The following OGDH variants were observed in gnomAD, a reference collection of about 807,000 sequenced individuals.
OGDH encodes 2-oxoglutarate dehydrogenase complex component E1.
A neutral mutation model predicts 116.6 loss-of-function variants in OGDH; 38 were observed. That is an observed-to-expected ratio of 0.33 (90% CI 0.25 to 0.43). The LOEUF is 0.43. OGDH is among the 20% of genes least tolerant of loss of function. OGDH has a pLI of 1.00. For missense variants in OGDH, 825 were observed against 1,357.2 expected (o/e 0.61, Z 6.16); for synonymous variants, 488 against 533.3 (o/e 0.92, Z 1.17).
At position 44,610,764 on chromosome 7, in the gene OGDH, G is replaced by A. The variant is rs947760022; in HGVS notation, c.-28+4111G>A. ...TGGGACTACAGCCGCGTGCCACCACGCCCGGCTAATTCTTTTGTATTTTTA... is the reference window on the plus strand; with the variant it reads ...TGGGACTACAGCCGCGTGCCACCACACCCGGCTAATTCTTTTGTATTTTTA... On this transcript the variant is annotated intron_variant, in intron 1 of 22. Transcript: ENST00000222673. 2.6e-5 allele frequency among the ~76,000 whole-genome samples: 4 copies of A among 151,894 alleles called. No homozygotes were observed. In the East Asian group the frequency reaches 7.8e-4, roughly 29 times the overall value.
chr7:44,641,041 A>T (rs1390410128), intron 2 of OGDH, among the ~76,000 whole-genome samples: 5 of 149,232 alleles, frequency 3.4e-5, no homozygotes, highest in Non-Finnish European at 7.4e-5. Flanking sequence ...TTATAGGCAC[A>T]CACCACCACC....
intron 4 of OGDH, among the ~76,000 whole-genome samples, chr7:44,648,679 A>G (rs1227197853): frequency 6.6e-6 from 1 of 152,158 alleles, no homozygotes; most frequent in Non-Finnish European, 1.5e-5. Context: ...CAGTGCCTGG[A>G]TATCTTTATA....
intron 4 of OGDH, among the ~76,000 whole-genome samples, chr7:44,656,936 T>C (rs1178221988): frequency 6.6e-6 from 1 of 152,268 alleles, no homozygotes; most frequent in Non-Finnish European, 1.5e-5. Flanking sequence ...CATCAGCCTG[T>C]TGTCATCCAC....
At chr7:44,657,719 C>T (rs1171576683) in intron 4 of OGDH, among the ~76,000 whole-genome samples, 1 of 152,140 alleles carries the variant, frequency 6.6e-6, no homozygotes, top group African/African-American at 2.4e-5. Flanking sequence ...CCTAGATCCC[C>T]AAAATGTTCT....
At chr7:44,642,470 G>A (rs1469916832) in intron 2 of OGDH, among the ~76,000 whole-genome samples, 1 of 151,936 alleles carries the variant, frequency 6.6e-6, no homozygotes, top group Non-Finnish European at 1.5e-5. Flanking sequence ...CTTTTTTCAT[G>A]TTCCTGATTG....
At position 44,707,590 on chromosome 7, in the gene OGDH, A is replaced by G; in HGVS notation, c.2805A>G (p.Pro935=). ...VAITRIEQLS[P]FPFDLLLKEV... ...CCCCTGCTGTCTCCTAGCTGTCGCC[A>G]TTCCCCTTTGACCTCCTGCTGAAGG... The change falls in exon 22 of 23, where the codon CCA becomes CCG. Residue 935 remains proline, a synonymous_variant. Coordinates refer to ENST00000222673, the MANE Select transcript of OGDH (RefSeq NM_002541.4). This position sits in a 1 kb window ranked among gnomAD's most constrained non-coding sequence, Gnocchi z 5.2. The G allele has an allele frequency of 6.2e-7, 1 of 1,613,860 alleles. No homozygotes were observed. The highest frequency in any genetic ancestry group is 8.5e-7 in the Non-Finnish European group (1 of 1,180,000).
At chr7:44,702,704 C>T (rs1310720004) in intron 20 of OGDH, among the ~76,000 whole-genome samples, 1 of 152,094 alleles carries the variant, frequency 6.6e-6, no homozygotes, top group Non-Finnish European at 1.5e-5. Flanking sequence ...GCCATTCTCC[C>T]ACCTCAGCCT....
chr7:44,680,539 TACACACACACACACACAC>T (rs56718274), intron 9 of OGDH, among the ~76,000 whole-genome samples: 91 of 145,952 alleles, frequency 6.2e-4, no homozygotes, highest in African/African-American at 2.1e-3. Context: ...TTTTATTGCA[TACACACACACACACACAC>T]ACACACACAC....
chr7:44,685,752 G>A (rs1788100853), intron 10 of OGDH, among the ~76,000 whole-genome samples: 1 of 151,826 alleles, frequency 6.6e-6, no homozygotes. Flanking sequence ...CAAAATAGCT[G>A]GAATTACAGG....
chr7:44,702,558 T>C (rs1562691138), intron 20 of OGDH, among the ~76,000 whole-genome samples: 1 of 152,008 alleles, frequency 6.6e-6, no homozygotes, highest in Non-Finnish European at 1.5e-5. Flanking sequence ...GGGGGTTTTT[T>C]CCCAATCTTT....
Position 44,647,852 on chromosome 7 carries a change from G to T in OGDH, c.517+93G>T, listed in dbSNP as rs945366923. ...CAGGATGTCCAGGCAGGAGGGAAAGGCTCTTAAGTTTCCTTTCATTCTGAT... is the reference window on the plus strand; with the variant it reads ...CAGGATGTCCAGGCAGGAGGGAAAGTCTCTTAAGTTTCCTTTCATTCTGAT... On this transcript the variant is annotated intron_variant, in intron 4 of 22. Transcript: ENST00000222673. 10 of 912,726 alleles carry T rather than the reference G, an allele frequency of 1.1e-5. No homozygotes were observed. In the East Asian group the frequency reaches 1.9e-4, roughly 18 times the overall value. 56.5% of individuals were successfully genotyped at this position (912,726 alleles called of 1,614,324 possible). A position where few individuals can be genotyped will look rare whatever the true frequency, so the allele number is the denominator to read the frequency against.
intron 5 of OGDH, among the ~76,000 whole-genome samples, chr7:44,672,272 G>T (rs932483439): frequency 3.3e-5 from 5 of 152,076 alleles, no homozygotes; most frequent in African/African-American, 1.2e-4. Context: ...TACAGGGATA[G>T]CCCACCCTCC....
chr7:44,698,898 C>T (rs1788704830), intron 18 of OGDH, among the ~76,000 whole-genome samples: 1 of 151,534 alleles, frequency 6.6e-6, no homozygotes, highest in East Asian at 1.9e-4. Flanking sequence ...GAAATCCCAG[C>T]ACTTTGGGAG....
intron 1 of OGDH, among the ~76,000 whole-genome samples, chr7:44,616,989 C>T (rs1784831651): frequency 7.2e-6 from 1 of 139,562 alleles, no homozygotes; most frequent in African/African-American, 2.6e-5. Context: ...GGCTGGAGTG[C>T]AGTGGCGCGA....
intron 1 of OGDH, among the ~76,000 whole-genome samples, chr7:44,614,957 A>G (rs1784714871): frequency 6.6e-6 from 1 of 151,462 alleles, no homozygotes; most frequent in African/African-American, 2.4e-5. Context: ...CAGCCTCCCA[A>G]GTAGCTGGGA....
chr7:44,705,962 T>G (rs1384388477), intron 20 of OGDH, among the ~76,000 whole-genome samples: 1 of 152,176 alleles, frequency 6.6e-6, no homozygotes, highest in African/African-American at 2.4e-5. Flanking sequence ...TTTTTTGAGA[T>G]AGATTCTTAC....
intron 10 of OGDH, among the ~76,000 whole-genome samples, chr7:44,689,844 G>A (rs1474464159): frequency 6.6e-6 from 1 of 152,088 alleles, no homozygotes; most frequent in Non-Finnish European, 1.5e-5. Context: ...CAATTTTGGT[G>A]TCCTTGGAAG....
intron 20 of OGDH, among the ~76,000 whole-genome samples, chr7:44,704,138 T>A (rs1788962730): frequency 6.6e-6 from 1 of 152,212 alleles, no homozygotes; most frequent in African/African-American, 2.4e-5. Context: ...TGCCAAACTT[T>A]CCACAGTGGC....
At chr7:44,634,037 C>T (rs1426946955) in intron 2 of OGDH, among the ~76,000 whole-genome samples, 1 of 152,194 alleles carries the variant, frequency 6.6e-6, no homozygotes, top group Non-Finnish European at 1.5e-5. Flanking sequence ...TAGCATGTCT[C>T]ATGACTCTGT....
Sources: allele counts gnomAD v4.1 joint callset (sites outside exome capture counted in the v4.1 genomes callset), GRCh38; gene constraint gnomAD v4.1.1; non-coding constraint Gnocchi (gnomAD v3.1); transcripts MANE v1.5; gene names NCBI Gene and HGNC (gene_info 2026-07-23, HGNC 2026-07-21).